Variants in GRAMD1A observed in about 807,000 individuals in gnomAD.
The protein encoded by GRAMD1A is GRAM domain containing 1A, also known as protein Aster-A.
Under a neutral mutation model 92.0 loss-of-function variants are expected in GRAMD1A, and 50 were observed. That is an observed-to-expected ratio of 0.54 (90% CI 0.43 to 0.69). GRAMD1A has a LOEUF of 0.69. Among genes scored for constraint, GRAMD1A ranks in the 30% least tolerant of loss-of-function variants. The probability of loss-of-function intolerance (pLI) is 0.00; values close to 1 mark genes in which losing one functional copy is unlikely to be tolerated. For synonymous variants in GRAMD1A, 405 were observed against 403.6 expected, an observed-to-expected ratio of 1.00 and a Z score of -0.04; for missense variants, 819 against 978.9, an observed-to-expected ratio of 0.84 and a Z score of 2.18.
At chr19:35,010,467 C>G in intron 6 of GRAMD1A, 88 bp downstream of exon 6, 1 of 871,656 alleles carries the variant, frequency 1.1e-6, no homozygotes, top group Non-Finnish European at 1.9e-6. Flanking sequence ...TTGTTCTGCA[C>G]CCTGAGTTCT....
intron 1 of GRAMD1A, among the ~76,000 whole-genome samples, chr19:35,003,987 G>T (rs1166809265): frequency 6.6e-6 from 1 of 152,226 alleles, no homozygotes; most frequent in African/African-American, 2.4e-5. Flanking sequence ...AGCACTTTGG[G>T]AGGCCAAGGT....
intron 1 of GRAMD1A, among the ~76,000 whole-genome samples, chr19:35,008,550 G>A (rs1020040233): frequency 2.8e-4 from 42 of 151,386 alleles, no homozygotes; most frequent in African/African-American, 7.4e-4. Flanking sequence ...GGCTGGGCAC[G>A]GTGGCTCCCA....
intron 1 of GRAMD1A, among the ~76,000 whole-genome samples, chr19:35,002,171 T>A (rs1419388603): frequency 1.3e-5 from 2 of 152,112 alleles, no homozygotes; most frequent in South Asian, 4.1e-4. Context: ...TCTAAGACCC[T>A]GGGAGTACCC....
chr19:35,021,859 C>T lies in GRAMD1A; in HGVS notation c.1748C>T (p.Thr583Ile), dbSNP rs758318975. The T allele has an allele frequency of 2.5e-6, 4 of 1,604,128 alleles. No homozygotes were observed. The highest frequency in any genetic ancestry group is 3.4e-6 in the Non-Finnish European group (4 of 1,174,294). The change falls in exon 15 of 20, where the codon ACC becomes ATC. Residue 583 changes from threonine (T) to isoleucine (I), a missense_variant. This residue lies in a region of GRAMD1A where 577 missense variants were observed against 674.6 expected (regional missense o/e 0.86). Coordinates refer to ENST00000317991, the MANE Select transcript of GRAMD1A (RefSeq NM_020895.5). This position sits in a 1 kb window ranked among gnomAD's most constrained non-coding sequence, Gnocchi z 5.3. ...PDPCARAGIHTSGSLSSRFSE... is the reference protein window; with the variant it reads ...PDPCARAGIHISGSLSSRFSE... ...CCCTGTGCCCGGGCCGGCATTCACA[C>T]CTCGGGTACGTTCCGTTGGGGCCGG...
In GRAMD1A at chr19:35,013,560, G is replaced by A; in HGVS notation, c.739G>A (p.Asp247Asn). ...NGLGTPKEVG[D>N]VIALSDITSS... is the part of the protein sequence containing the mutation. ...CCACAGGACCCCCAAGGAAGTGGGAGATGTGATCGCCCTGAGCGACATCAC... is the reference window on the plus strand; with the variant it reads ...CCACAGGACCCCCAAGGAAGTGGGAAATGTGATCGCCCTGAGCGACATCAC... Residue 247 changes from aspartate (D) to asparagine (N), a missense_variant, in exon 9 of 20, where the codon GAT becomes AAT. By Grantham distance (23) the Asp-to-Asn change is conservative. Transcript: ENST00000317991. This position sits in a 1 kb window ranked among gnomAD's most constrained non-coding sequence, Gnocchi z 4.9. 1 of 1,608,530 alleles carries A rather than the reference G, an allele frequency of 6.2e-7. No homozygotes were observed. Among genetic ancestry groups the A allele is most frequent in the Non-Finnish European group, 8.5e-7 (1 of 1,176,546 alleles).
chr19:34,995,247 G>A (rs936137835), intron 1 of GRAMD1A, among the ~76,000 whole-genome samples: 5 of 152,244 alleles, frequency 3.3e-5, no homozygotes, highest in African/African-American at 1.2e-4. Flanking sequence ...TGTGTGGAAG[G>A]GACACAGGGC....
At chr19:35,011,392 C>T in intron 6 of GRAMD1A, 82 bp from the exon 7 acceptor site, 1 of 967,682 alleles carries the variant, frequency 1.0e-6, no homozygotes, top group Non-Finnish European at 1.7e-6. Context: ...GGCGTCAGCG[C>T]AGATGAGGGT....
intron 7 of GRAMD1A, chr19:35,012,998 T>TA (rs932312157): frequency 1.3e-4 from 59 of 449,336 alleles, no homozygotes; most frequent in African/African-American, 5.1e-4. Context: ...AAAAAAGATA[T>TA]AAAAAAAATG....
intron 11 of GRAMD1A, among the ~76,000 whole-genome samples, chr19:35,018,172 G>C (rs1232693823): frequency 1.3e-5 from 2 of 152,242 alleles, no homozygotes; most frequent in East Asian, 3.9e-4. Context: ...ATTTTTAGTA[G>C]AGACGGGGTT....
At chr19:35,019,829 T>G (rs1204634137) in intron 13 of GRAMD1A, among the ~76,000 whole-genome samples, 1 of 152,064 alleles carries the variant, frequency 6.6e-6, no homozygotes, top group Non-Finnish European at 1.5e-5. Flanking sequence ...AATAGAGAAA[T>G]GATCAGGAAA....
At position 35,009,176 on chromosome 19, in the gene GRAMD1A, G is replaced by T; in HGVS notation, c.66G>T (p.Arg22=). 1 of 1,613,986 alleles carries T rather than the reference G, an allele frequency of 6.2e-7. No homozygotes were observed. The change falls in exon 2 of 20, where the codon CGG becomes CGT. Residue 22 remains arginine (R), a synonymous_variant. Coordinates refer to ENST00000317991, the MANE Select transcript of GRAMD1A (RefSeq NM_020895.5). Reference sequence around the variant, plus strand: ...GCAGCTCCCCATCGCTCCGGAAACGGCTGCAGCTCCTGCCCCCAAGCCGGC... The same window carrying T: ...GCAGCTCCCCATCGCTCCGGAAACGTCTGCAGCTCCTGCCCCCAAGCCGGC... ...TPSSSPSLRK[R]LQLLPPSRPP...
chr19:35,008,211 C>T (rs1018482846), intron 1 of GRAMD1A, among the ~76,000 whole-genome samples: 3 of 152,062 alleles, frequency 2.0e-5, no homozygotes, highest in Non-Finnish European at 4.4e-5. Context: ...ATCCTGTAAT[C>T]CCAGCTACTC....
In GRAMD1A at chr19:35,013,074, G is replaced by A; in HGVS notation, c.607-182G>A. On this transcript the variant is annotated intron_variant, in intron 7 of 19. Transcript: ENST00000317991. This position sits in a 1 kb window ranked among gnomAD's most constrained non-coding sequence, Gnocchi z 4.9. ...CAGGAAGTTTGAGTCCTGGGCGCAG[G>A]CCCTGGAGGGGCTGTAGCAGGGGAT... The A allele has an allele frequency of 1.7e-6, 1 of 573,090 alleles. No individual in the cohort carries two copies. The highest frequency in any genetic ancestry group is 3.1e-6 in the Non-Finnish European group (1 of 318,368). The allele number at this position is 573,090 out of a possible 1,614,324, so 35.5% of individuals were successfully genotyped here.
chr19:35,022,299 G>A (rs1368970730), intron 16 of GRAMD1A, among the ~76,000 whole-genome samples: 1 of 152,174 alleles, frequency 6.6e-6, no homozygotes, highest in Non-Finnish European at 1.5e-5. Context: ...GGGGCTTTCT[G>A]GAGGAGCAGG....
chr19:35,000,197 C>T (rs2014235584), upstream of GRAMD1A: 2 of 1,016,072 alleles, frequency 2.0e-6, no homozygotes, highest in Non-Finnish European at 1.2e-6. This position sits in a 1 kb window ranked among gnomAD's most constrained non-coding sequence, Gnocchi z 4.9. Context: ...CGGCTTCTCC[C>T]TCCTTCTAGG....
chr19:35,013,369 G>A lies in GRAMD1A; in HGVS notation c.719+1G>A. 6.5e-7 allele frequency: 1 copy of A among 1,547,380 alleles called. No individual in the cohort carries two copies. Among genetic ancestry groups the A allele is most frequent in the East Asian group, 2.4e-5 (1 of 41,644 alleles). On this transcript the variant is annotated splice_donor_variant, in intron 8 of 19. Coordinates refer to ENST00000317991, the MANE Select transcript of GRAMD1A (RefSeq NM_020895.5). LOFTEE classifies it high-confidence loss of function. The surrounding 1 kb of genome is among the most constrained non-coding windows in gnomAD (Gnocchi z 4.9). ...CCCCCTTGCAGCTGAACGGTCTGGG[G>A]TGAGTTGGAGGTCAAAGGAGGTTGA...
At chr19:34,995,582 T>TTTTTTTG (rs1568310035), upstream of GRAMD1A, among the ~76,000 whole-genome samples, 21 of 143,162 alleles carry the variant, frequency 1.5e-4, 1 homozygote, top group African/African-American at 5.5e-4. Context: ...TTTTTTTTTT[T>TTTTTTTG]TTTTTTTTTT....
chr19:34,996,232 A>C (rs1054540770), upstream of GRAMD1A: 1 of 1,535,440 alleles, frequency 6.5e-7, no homozygotes, highest in African/African-American at 1.4e-5. Flanking sequence ...CCTGCACCCC[A>C]ACCCCCCGAC....
intron 13 of GRAMD1A, among the ~76,000 whole-genome samples, chr19:35,019,970 T>C (rs2015932572): frequency 1.3e-5 from 2 of 152,008 alleles, no homozygotes; most frequent in Admixed American, 1.3e-4. Context: ...GGGAAAGAAA[T>C]GTTTCACCAA....
Sources: gnomAD v4.1 joint callset for allele counts (sites outside exome capture counted in the v4.1 genomes callset) on GRCh38, gnomAD v4.1.1 for gene constraint, gnomAD v4.1.1 regional missense constraint, Gnocchi (gnomAD v3.1) non-coding constraint, MANE v1.5 for transcripts, NCBI Gene and HGNC (gene_info 2026-07-23, HGNC 2026-07-21) for gene names.